The following MINK1 variants were observed in gnomAD, a reference collection of about 807,000 sequenced individuals.
MINK1 encodes the protein misshapen like kinase 1.
A neutral mutation model predicts 178.4 loss-of-function variants in MINK1; 46 were observed. The observed-to-expected ratio is 0.26, with a 90% CI of 0.20 to 0.33. The LOEUF (loss-of-function observed/expected upper bound fraction) is 0.33. Among genes scored for constraint, MINK1 ranks in the 10% least tolerant of loss-of-function variants. The pLI, the probability that MINK1 is intolerant of heterozygous loss-of-function variation, is 1.00. For synonymous variants in MINK1, 797 were observed against 709.7 expected (o/e 1.12, Z -1.96); for missense variants, 1,366 against 1,814.9 (o/e 0.75, Z 4.49).
Position 4,885,522 on chromosome 17 carries a change from G to A in MINK1, c.548G>A (p.Gly183Asp). 2 of 1,613,960 alleles carry A rather than the reference G, an allele frequency of 1.2e-6. No homozygotes were observed. Among genetic ancestry groups the A allele is most frequent in the Non-Finnish European group, 1.7e-6 (2 of 1,179,878 alleles). Residue 183 changes from glycine to aspartate, a missense_variant, in exon 7 of 32, where the codon GGC becomes GAC. Physicochemically the swap from Gly to Asp is moderately conservative, Grantham distance 94. Coordinates refer to ENST00000355280, the MANE Select transcript of MINK1 (RefSeq NM_153827.5). The surrounding 1 kb of genome is among the most constrained non-coding windows in gnomAD (Gnocchi z 5.0). ...AGTGCTCAGCTGGACCGCACCGTGG[G>A]CAGACGGAACACTTTCATTGGGACT... is the stretch of plus-strand genomic sequence containing the variant. ...GVSAQLDRTVGRRNTFIGTPY... is the reference protein window; with the variant it reads ...GVSAQLDRTVDRRNTFIGTPY...
chr17:4,883,222 T>TTTA, intron 4 of MINK1: 1 of 150,566 alleles, frequency 6.6e-6, no homozygotes, highest in Non-Finnish European at 1.5e-5. Flanking sequence ...TTTTTTTTTT[T>TTTA]GAGACAGAGT....
chr17:4,886,650 C>G lies in MINK1; in HGVS notation c.949+24C>G. ...AGGTCAGTGGGCAGGCTGGAGGGGGCAGGTACTAGGGGACACTCCAGCCTG... is the reference window on the plus strand; with the variant it reads ...AGGTCAGTGGGCAGGCTGGAGGGGGGAGGTACTAGGGGACACTCCAGCCTG... On this transcript the variant is annotated intron_variant, in intron 10 of 31. Transcript: ENST00000355280. This position sits in a 1 kb window ranked among gnomAD's most constrained non-coding sequence, Gnocchi z 6.1. 1 of 1,558,848 alleles carries G rather than the reference C, an allele frequency of 6.4e-7. No individual in the cohort carries two copies. Among genetic ancestry groups the G allele is most frequent in the Non-Finnish European group, 8.7e-7 (1 of 1,151,930 alleles).
intron 1 of MINK1, among the ~76,000 whole-genome samples, chr17:4,846,504 T>C (rs1191754305): frequency 6.6e-6 from 1 of 152,198 alleles, no homozygotes; most frequent in Non-Finnish European, 1.5e-5. Flanking sequence ...CCCACCCTAA[T>C]GTTCAAAGTT....
At chr17:4,853,685 G>C (rs1419131818) in intron 1 of MINK1, among the ~76,000 whole-genome samples, 1 of 152,110 alleles carries the variant, frequency 6.6e-6, no homozygotes, top group Non-Finnish European at 1.5e-5. Context: ...AGTCTGGGCA[G>C]TTGGGTGGTG....
chr17:4,851,150 T>G, intron 1 of MINK1: 1 of 391,614 alleles, frequency 2.6e-6, no homozygotes, highest in South Asian at 1.8e-5. Context: ...TAAATCACTT[T>G]TTGCCACAGT....
In MINK1 at chr17:4,833,468, AG is replaced by A; in HGVS notation, c.-114del. 1.3e-6 allele frequency: 1 copy of A among 798,136 alleles called. No individual in the cohort carries two copies. 49.4% of individuals were successfully genotyped at this position (798,136 alleles called of 1,614,324 possible). ...CCTCCCCCTCCCCGGTCTCCGGGGG[AG>A]GCGCGGTGGAGTCCGCCCCCGGGGT... is the stretch of plus-strand genomic sequence containing the variant. On this transcript the variant is annotated 5_prime_UTR_variant, in exon 1 of 32. Coordinates refer to ENST00000355280, the MANE Select transcript of MINK1 (RefSeq NM_153827.5). The surrounding 1 kb of genome is among the most constrained non-coding windows in gnomAD (Gnocchi z 4.8).
chr17:4,892,925 T>C, intron 19 of MINK1, 54 bp from the exon 20 acceptor site: 2 of 1,476,288 alleles, frequency 1.4e-6, no homozygotes, highest in Non-Finnish European at 1.9e-6. Flanking sequence ...GGGTGTGGGC[T>C]TGAGGCCATC....
At chr17:4,872,337 A>G (rs1272794915) in intron 1 of MINK1, among the ~76,000 whole-genome samples, 1 of 151,408 alleles carries the variant, frequency 6.6e-6, no homozygotes, top group East Asian at 1.9e-4. Context: ...CTTAAAAAAA[A>G]AAAAAAAAAG....
intron 1 of MINK1, among the ~76,000 whole-genome samples, chr17:4,838,690 A>T (rs561848394): frequency 6.6e-6 from 1 of 152,308 alleles, no homozygotes; most frequent in East Asian, 1.9e-4. Context: ...TCTGGACTGG[A>T]GAACATCTCC....
intron 1 of MINK1, among the ~76,000 whole-genome samples, chr17:4,865,228 C>A (rs1290929220): frequency 6.6e-6 from 1 of 151,910 alleles, no homozygotes; most frequent in Non-Finnish European, 1.5e-5. Flanking sequence ...GTCAGGAGTT[C>A]GAGACCAGCC....
At chr17:4,893,153 C>T (rs145829938) in intron 20 of MINK1, 86 bp downstream of exon 20, 29 of 1,508,004 alleles carry the variant, frequency 1.9e-5, no homozygotes, top group African/African-American at 5.5e-5. Flanking sequence ...GTGGGGTCTC[C>T]GCTGATCTAC....
intron 1 of MINK1, among the ~76,000 whole-genome samples, chr17:4,855,881 G>A (rs1038683474): frequency 6.6e-6 from 1 of 151,824 alleles, no homozygotes; most frequent in Admixed American, 6.6e-5. Context: ...GGCTGAGGCG[G>A]GAGAATCACT....
At chr17:4,868,447 T>C (rs1410343015) in intron 1 of MINK1, among the ~76,000 whole-genome samples, 1 of 152,202 alleles carries the variant, frequency 6.6e-6, no homozygotes, top group Non-Finnish European at 1.5e-5. Flanking sequence ...CAACCCCCGT[T>C]CTACTCTCCA....
intron 1 of MINK1, chr17:4,860,631 G>C (rs969729551): frequency 2.1e-6 from 1 of 486,146 alleles, no homozygotes; most frequent in Non-Finnish European, 4.1e-6. Context: ...GCTCACATTT[G>C]CCCCTAGTTT....
At chr17:4,893,922 T>A in intron 21 of MINK1, 66 bp from the exon 22 acceptor site, 1 of 1,336,432 alleles carries the variant, frequency 7.5e-7, no homozygotes, top group African/African-American at 1.5e-5. Flanking sequence ...GGCTGCCATC[T>A]GCTGCCTTTG....
chr17:4,870,103 G>A (rs1213775123), intron 1 of MINK1, among the ~76,000 whole-genome samples: 2 of 151,384 alleles, frequency 1.3e-5, no homozygotes, highest in African/African-American at 4.9e-5. Flanking sequence ...TAGTAGAGAC[G>A]GGGTTTCACC....
chr17:4,895,257 G>C lies in MINK1; in HGVS notation c.3085+15G>C. ...AGCCCTTTGGGGTAAGCCAGGGCAG[G>C]GACAGCTGAGGAGGCTCTGGCGTGG... On this transcript the variant is annotated intron_variant, in intron 25 of 31. Transcript: ENST00000355280. The surrounding 1 kb of genome is among the most constrained non-coding windows in gnomAD (Gnocchi z 4.3). 6.2e-7 allele frequency: 1 copy of C among 1,613,778 alleles called. No homozygotes were observed. The highest frequency in any genetic ancestry group is 1.3e-5 in the African/African-American group (1 of 75,036).
Position 4,894,520 on chromosome 17 carries a change from C to G in MINK1, c.2809-5C>G. The G allele has an allele frequency of 6.3e-7, 1 of 1,591,518 alleles. No individual in the cohort carries two copies. The highest frequency in any genetic ancestry group is 8.6e-7 in the Non-Finnish European group (1 of 1,168,396). On this transcript the variant is annotated splice_region_variant and splice_polypyrimidine_tract_variant and intron_variant, in intron 23 of 31. Transcript: ENST00000355280. The surrounding 1 kb of genome is among the most constrained non-coding windows in gnomAD (Gnocchi z 4.1). The stretch of plus-strand genomic sequence containing the variant: ...GTTTGCCTGACTGCTGTCCCCCTAC[C>G]ACAGTACCAGTCTCGTGGGCTGGTA...
intron 4 of MINK1, among the ~76,000 whole-genome samples, chr17:4,883,922 T>C (rs1316949231): frequency 1.3e-5 from 2 of 151,934 alleles, no homozygotes; most frequent in African/African-American, 4.8e-5. Context: ...TCAGGGAAAA[T>C]GCATATACCT....
Sources: allele counts gnomAD v4.1 joint callset (sites outside exome capture counted in the v4.1 genomes callset), GRCh38; gene constraint gnomAD v4.1.1; non-coding constraint Gnocchi (gnomAD v3.1); transcripts MANE v1.5; gene names NCBI Gene and HGNC (gene_info 2026-07-23, HGNC 2026-07-21).